The following DNM3 variants were observed in gnomAD, a reference collection of about 807,000 sequenced individuals.
DNM3 encodes the protein dynamin-3.
A neutral mutation model predicts 101.6 loss-of-function variants in DNM3; 47 were observed. The ratio of observed to expected loss-of-function variants is 0.46; its 90% CI spans 0.37 to 0.59. The LOEUF (loss-of-function observed/expected upper bound fraction) is 0.59, where lower values mean the gene tolerates loss of function less well. DNM3 is among the 20% of genes least tolerant of loss of function. The probability of loss-of-function intolerance (pLI) is 0.00; values close to 1 mark genes in which losing one functional copy is unlikely to be tolerated. For synonymous variants in DNM3, 385 were observed against 387.9 expected (o/e 0.99, Z 0.09); for missense variants, 849 against 1,085.7 (o/e 0.78, Z 3.06).
In DNM3 at chr1:172,225,549, C is replaced by G. The variant is rs1363368899; in HGVS notation, c.1660-28024C>G. ...ATTTTGATAGCTTCTATTCTCAACT[C>G]TTTAGTAACTATTACCAAATGACCA... On this transcript the variant is annotated intron_variant, in intron 14 of 20. Transcript: ENST00000627582. Among the ~76,000 whole-genome samples, 3 of 150,088 alleles carry G rather than the reference C, an allele frequency of 2.0e-5. No homozygotes were observed. The East Asian group carries it at 5.8e-4, about 29-fold the overall frequency.
chr1:172,312,645 T>C (rs1287883709), intron 16 of DNM3, among the ~76,000 whole-genome samples: 2 of 152,162 alleles, frequency 1.3e-5, no homozygotes, highest in Non-Finnish European at 2.9e-5. Context: ...TTTTATTTCT[T>C]TCCTTCCCTT....
chr1:172,342,697 A>C (rs533771180), intron 17 of DNM3, among the ~76,000 whole-genome samples: 1 of 152,258 alleles, frequency 6.6e-6, no homozygotes, highest in Non-Finnish European at 1.5e-5. Flanking sequence ...TATGTAACAA[A>C]CTTGCATGTG....
chr1:172,370,809 A>G (rs928558560), intron 17 of DNM3, among the ~76,000 whole-genome samples: 15 of 152,010 alleles, frequency 9.9e-5, no homozygotes, highest in Non-Finnish European at 1.6e-4. Context: ...CTCACAAGAT[A>G]TTTGTGAGGA....
chr1:171,866,890 G>A (rs1412862057), intron 1 of DNM3, among the ~76,000 whole-genome samples: 2 of 152,190 alleles, frequency 1.3e-5, no homozygotes, highest in African/African-American at 2.4e-5. Context: ...TGGTGAATGT[G>A]CTGAGATGAC....
chr1:172,013,004 C>T (rs2047223565), intron 4 of DNM3, among the ~76,000 whole-genome samples: 1 of 151,908 alleles, frequency 6.6e-6, no homozygotes, highest in Non-Finnish European at 1.5e-5. Flanking sequence ...AATCACCCTC[C>T]CTGACAACTC....
Position 171,952,884 on chromosome 1 carries a change from G to T in DNM3, c.235+31063G>T, listed in dbSNP as rs555191214. 2.0e-5 allele frequency among the ~76,000 whole-genome samples: 3 copies of T among 152,124 alleles called. No homozygotes were observed. The East Asian group carries it at 5.8e-4, about 29-fold the overall frequency. On this transcript the variant is annotated intron_variant, in intron 2 of 20. Transcript: ENST00000627582. ...ATTTTCTCTTAGAGTGTTATAATTT[G>T]TATTTCTCATCATTAATAGAACCAG...
chr1:172,056,714 A>G (rs1558496746), intron 10 of DNM3, among the ~76,000 whole-genome samples: 1 of 152,040 alleles, frequency 6.6e-6, no homozygotes, highest in Admixed American at 6.6e-5. Context: ...ATCAAAGACC[A>G]AAAGTAGATA....
chr1:172,352,168 GTCAC>G (rs1281978209), intron 17 of DNM3, among the ~76,000 whole-genome samples: 1 of 152,138 alleles, frequency 6.6e-6, no homozygotes, highest in East Asian at 1.9e-4. Flanking sequence ...ACCTAGAGCT[GTCAC>G]TACAAATCTC....
At chr1:172,241,256 T>TGTGTGC (rs1337032985) in intron 14 of DNM3, among the ~76,000 whole-genome samples, 1 of 151,760 alleles carries the variant, frequency 6.6e-6, no homozygotes, top group African/African-American at 2.4e-5. Flanking sequence ...TGTGTGTGTG[T>TGTGTGC]GTGTGTGTGC....
chr1:172,092,682 A>T, intron 12 of DNM3, 142 bp from the exon 13 acceptor site: 2 of 867,952 alleles, frequency 2.3e-6, no homozygotes, highest in Non-Finnish European at 3.4e-6. Flanking sequence ...TGCTTCCAGA[A>T]TTAAACTGAC....
intron 18 of DNM3, 57 bp from the exon 19 acceptor site, chr1:172,387,076 A>G (rs1029654001): frequency 7.0e-7 from 1 of 1,428,238 alleles, no homozygotes; most frequent in Non-Finnish European, 9.8e-7. Context: ...CCATGTTTCT[A>G]CCTCCACTCA....
intron 15 of DNM3, among the ~76,000 whole-genome samples, chr1:172,295,300 G>A (rs2148827762): frequency 6.6e-6 from 1 of 152,298 alleles, no homozygotes; most frequent in East Asian, 1.9e-4. Flanking sequence ...AGTCCAGGTA[G>A]AAGATGCCTG....
chr1:172,120,078 T>C (rs753234873), intron 13 of DNM3, among the ~76,000 whole-genome samples: 5 of 152,230 alleles, frequency 3.3e-5, no homozygotes, highest in Non-Finnish European at 7.3e-5. Context: ...GAACTTTTCA[T>C]GTGCAAATAT....
intron 1 of DNM3, among the ~76,000 whole-genome samples, chr1:171,858,098 A>G (rs979543251): frequency 1.3e-5 from 2 of 152,156 alleles, no homozygotes; most frequent in African/African-American, 4.8e-5. Flanking sequence ...AGCATGTGGT[A>G]TTTTGTTATG....
chr1:171,920,435 G>A (rs1456299809), intron 1 of DNM3, among the ~76,000 whole-genome samples: 2 of 152,208 alleles, frequency 1.3e-5, no homozygotes, highest in African/African-American at 2.4e-5. Flanking sequence ...ACATCTGGGA[G>A]CTTGTTAAGA....
intron 2 of DNM3, among the ~76,000 whole-genome samples, chr1:171,952,990 T>A (rs145000106): frequency 2.0e-5 from 3 of 152,360 alleles, no homozygotes; most frequent in African/African-American, 7.2e-5. Flanking sequence ...TATTATGTCA[T>A]GGCTTTTGGT....
intron 11 of DNM3, among the ~76,000 whole-genome samples, chr1:172,074,848 G>A (rs770017053): frequency 4.6e-5 from 7 of 152,292 alleles, no homozygotes; most frequent in East Asian, 3.9e-4. Flanking sequence ...GGACTGCTGC[G>A]TCAAATGGTA....
chr1:172,119,827 AC>A (rs2056186566), intron 13 of DNM3, among the ~76,000 whole-genome samples: 1 of 151,998 alleles, frequency 6.6e-6, no homozygotes, highest in African/African-American at 2.4e-5. Context: ...TTAAACGTAG[AC>A]CTCGGGAGTC....
chr1:171,961,112 C>G (rs1001995843), intron 2 of DNM3, among the ~76,000 whole-genome samples: 1 of 152,114 alleles, frequency 6.6e-6, no homozygotes, highest in Non-Finnish European at 1.5e-5. Context: ...AGACAGCGCT[C>G]AGATTCCTGA....
Sources: allele counts gnomAD v4.1 joint callset (sites outside exome capture counted in the v4.1 genomes callset), GRCh38; gene constraint gnomAD v4.1.1; transcripts MANE v1.5; gene names NCBI Gene and HGNC (gene_info 2026-07-23, HGNC 2026-07-21).